CFAP47: variants seen among roughly 807,000 people sequenced by gnomAD.
The protein encoded by CFAP47 is cilia and flagella associated protein 47, also known as cilia- and flagella-associated protein 47.
A neutral mutation model predicts 148.1 loss-of-function variants in CFAP47; 29 were observed. The observed-to-expected ratio is 0.20, with a 90% CI of 0.15 to 0.27. The LOEUF (loss-of-function observed/expected upper bound fraction) is 0.27, where lower values mean the gene tolerates loss of function less well. CFAP47 is among the 10% of genes least tolerant of loss of function. The pLI is 1.00. For synonymous variants in CFAP47, 664 were observed against 577.3 expected, an observed-to-expected ratio of 1.15 and a Z score of -2.15; for missense variants, 1,872 against 1,697.5, an observed-to-expected ratio of 1.10 and a Z score of -1.81.
intron 61 of CFAP47, among the ~76,000 whole-genome samples, chrX:36,366,396 C>T (rs1181606823): frequency 8.9e-6 from 1 of 111,911 alleles, no homozygotes; most frequent in Non-Finnish European, 1.9e-5. Flanking sequence ...AGCTGCCACT[C>T]AATTTTATCT....
intron 49 of CFAP47, among the ~76,000 whole-genome samples, chrX:36,277,305 G>A (rs1216186007): frequency 9.0e-6 from 1 of 111,473 alleles, no homozygotes; most frequent in Non-Finnish European, 1.9e-5. Context: ...TTTTAAAATG[G>A]AAAACAAAAG....
At chrX:36,195,220 C>A (rs1253520691) in intron 42 of CFAP47, among the ~76,000 whole-genome samples, 1 of 112,352 alleles carries the variant, frequency 8.9e-6, no homozygotes, top group African/African-American at 3.2e-5. Context: ...ATAGTGAAGA[C>A]AGGGATAATT....
chrX:36,313,034 A>C (rs1244763515), intron 56 of CFAP47, among the ~76,000 whole-genome samples: 1 of 111,359 alleles, frequency 9.0e-6, no homozygotes, highest in African/African-American at 3.3e-5. Flanking sequence ...CTACGTATCT[A>C]CTTGTGCTTA....
At chrX:36,014,344 T>G (rs1260251520) in intron 21 of CFAP47, among the ~76,000 whole-genome samples, 1 of 111,700 alleles carries the variant, frequency 9.0e-6, no homozygotes, top group Admixed American at 9.5e-5. Flanking sequence ...TGACTTATAC[T>G]TTTATTTTCT....
chrX:36,060,216 A>G (rs953422362), intron 26 of CFAP47, among the ~76,000 whole-genome samples: 1 of 111,660 alleles, frequency 9.0e-6, no homozygotes, highest in African/African-American at 3.3e-5. Context: ...GTGTGTGAAC[A>G]TATATATATA....
rs191816349 is a variant in CFAP47, at chrX:36,080,696, C to T, written c.4692-4618C>T. 4.5e-3 allele frequency among the ~76,000 whole-genome samples: 497 copies of T among 111,235 alleles called. 2 individuals are homozygous for T. The highest frequency in any genetic ancestry group is 0.015 in the African/African-American group (465 of 30,588). On this transcript the variant is annotated intron_variant, in intron 29 of 63. Coordinates refer to ENST00000378653, the MANE Select transcript of CFAP47 (RefSeq NM_001304548.2). ...ATCACAAGGACAGAAAACCAAACAC[C>T]GCATGTTCTCACTCGTAGGTGGGAA...
intron 10 of CFAP47, among the ~76,000 whole-genome samples, chrX:35,969,222 G>A (rs1601907468): frequency 9.0e-6 from 1 of 110,989 alleles, no homozygotes; most frequent in South Asian, 3.7e-4. Context: ...TTTCTGGCCA[G>A]CAATTAGTAA....
intron 59 of CFAP47, among the ~76,000 whole-genome samples, chrX:36,350,613 C>G (rs1218004737): frequency 1.8e-5 from 2 of 111,078 alleles, no homozygotes; most frequent in East Asian, 2.8e-4. Context: ...GTTAACTTTG[C>G]CAGAATAAAC....
chrX:36,090,002 C>T (rs1484611593), intron 30 of CFAP47, among the ~76,000 whole-genome samples: 2 of 111,630 alleles, frequency 1.8e-5, no homozygotes, highest in African/African-American at 6.5e-5. Context: ...GAAACTGATT[C>T]TTGTGATATC....
intron 21 of CFAP47, among the ~76,000 whole-genome samples, chrX:36,012,786 C>T (rs949075479): frequency 9.0e-5 from 10 of 110,908 alleles, no homozygotes; most frequent in African/African-American, 2.6e-4. Flanking sequence ...ACCTACGTAA[C>T]AAATCTGCAC....
chrX:36,298,530 G>T (rs1428446320), intron 51 of CFAP47, among the ~76,000 whole-genome samples: 3 of 105,956 alleles, frequency 2.8e-5, no homozygotes, highest in African/African-American at 1.1e-4. Flanking sequence ...TGCACAATGT[G>T]CACATGTACC....
intron 26 of CFAP47, among the ~76,000 whole-genome samples, chrX:36,048,559 A>C (rs1255565017): frequency 1.8e-5 from 2 of 111,647 alleles, no homozygotes; most frequent in Non-Finnish European, 3.8e-5. Flanking sequence ...TGGCCCAACC[A>C]GCTGGAAATC....
At chrX:36,073,452 C>T in intron 29 of CFAP47, 88 bp downstream of exon 29, 1 of 579,533 alleles carries the variant, frequency 1.7e-6, no homozygotes, top group South Asian at 3.7e-5. Flanking sequence ...AAGTGAAATA[C>T]AATATGAAGT....
chrX:36,073,621 C>T (rs1331532814), intron 29 of CFAP47, among the ~76,000 whole-genome samples: 1 of 110,459 alleles, frequency 9.1e-6, no homozygotes, highest in East Asian at 2.8e-4. Flanking sequence ...CATCTCTGAA[C>T]CTCACCTTCC....
At chrX:36,000,610 T>C (rs1458308372) in intron 20 of CFAP47, among the ~76,000 whole-genome samples, 183 bp downstream of exon 20, 1 of 112,036 alleles carries the variant, frequency 8.9e-6, no homozygotes, top group East Asian at 2.8e-4. Flanking sequence ...TACATCATTA[T>C]TAATATCAAA....
intron 2 of CFAP47, among the ~76,000 whole-genome samples, chrX:35,940,954 G>A (rs960089815): frequency 4.5e-5 from 5 of 111,141 alleles, no homozygotes; most frequent in African/African-American, 3.3e-5. Flanking sequence ...CTTACATCTT[G>A]TTTTAGACCC....
chrX:36,046,770 G>T, intron 25 of CFAP47, 84 bp from the exon 26 acceptor site: 1 of 561,297 alleles, frequency 1.8e-6, no homozygotes, highest in Non-Finnish European at 2.8e-6. Flanking sequence ...TTTTCTTGAG[G>T]ATTCAAAAAA....
chrX:35,971,630 C>G lies in CFAP47; in HGVS notation c.2015C>G (p.Pro672Arg), dbSNP rs753573959. Residue 672 changes from proline (P) to arginine (R), a missense_variant, in exon 12 of 64, where the codon CCA (proline) becomes CGA (arginine). Pro to Arg is a moderately radical substitution (Grantham distance 103). Transcript: ENST00000378653. ...GATGATACAGACATAGGCTTAGAGCCAGGATCAGGTCTAAAGTCACCCTCA... is the reference window on the plus strand; with the variant it reads ...GATGATACAGACATAGGCTTAGAGCGAGGATCAGGTCTAAAGTCACCCTCA... ...SYDDTDIGLE[P>R]GSGLKSPSLS... The G allele has an allele frequency of 8.3e-7, 1 of 1,199,139 alleles. No homozygotes were observed. The highest frequency in any genetic ancestry group is 1.1e-6 in the Non-Finnish European group (1 of 887,236).
intron 22 of CFAP47, among the ~76,000 whole-genome samples, chrX:36,029,710 T>C (rs190705722): frequency 4.6e-4 from 51 of 110,437 alleles, no homozygotes; most frequent in African/African-American, 1.5e-3. Flanking sequence ...TTGGATTTTA[T>C]ACTTTATGGA....
Sources: allele counts gnomAD v4.1 joint callset (sites outside exome capture counted in the v4.1 genomes callset), GRCh38; gene constraint gnomAD v4.1.1; transcripts MANE v1.5; gene names NCBI Gene and HGNC (gene_info 2026-07-23, HGNC 2026-07-21).